PRH1: variants seen among roughly 807,000 people sequenced by gnomAD.
PRH1 encodes the protein salivary acidic proline-rich phosphoprotein 1/2.
A neutral mutation model predicts 7.9 loss-of-function variants in PRH1; 7 were observed. The observed-to-expected ratio is 0.89, with a 90% confidence interval of 0.50 to 1.67. The LOEUF is 1.67. Among genes scored for constraint, PRH1 ranks in the 40% most tolerant of loss-of-function variants. The probability of loss-of-function intolerance (pLI) is 0.00; values close to 1 mark genes in which losing one functional copy is unlikely to be tolerated. For missense variants in PRH1, 109 were observed against 223.6 expected (o/e 0.49, Z 3.27); for synonymous variants, 45 against 80.8 (o/e 0.56, Z 2.38).
chr12:11,044,461 T>C (rs920097240), intron 1 of PRH1, among the ~76,000 whole-genome samples: 9 of 151,894 alleles, frequency 5.9e-5, no homozygotes, highest in Admixed American at 2.0e-4. Context: ...AGTTAAAAAA[T>C]ACTTCTGCAC....
At chr12:11,165,346 A>C (rs1308844522) in intron 1 of PRH1, among the ~76,000 whole-genome samples, 1 of 152,048 alleles carries the variant, frequency 6.6e-6, no homozygotes, top group African/African-American at 2.4e-5. Context: ...TGTTTGAATA[A>C]TATATAGTAA....
chr12:11,031,115 G>A, intron 1 of PRH1: 2 of 1,614,270 alleles, frequency 1.2e-6, no homozygotes, highest in Non-Finnish European at 1.7e-6. Flanking sequence ...ACTATAAAAA[G>A]CTGGATTAAA....
chr12:11,164,236 C>A (rs1947505940), intron 1 of PRH1, among the ~76,000 whole-genome samples: 1 of 152,142 alleles, frequency 6.6e-6, no homozygotes, highest in African/African-American at 2.4e-5. Context: ...TAGGCATCAA[C>A]CAATCTGATG....
intron 1 of PRH1, among the ~76,000 whole-genome samples, chr12:11,052,935 T>C (rs1431594952): frequency 2.0e-5 from 3 of 152,264 alleles, no homozygotes; most frequent in African/African-American, 7.2e-5. Flanking sequence ...TTTTTTGTTT[T>C]TTGTTTTAGT....
chr12:10,882,921 G>C (rs1949430172), intron 2 of PRH1, 140 bp downstream of exon 2: 1 of 1,435,226 alleles, frequency 7.0e-7, no homozygotes, highest in African/African-American at 1.4e-5. Flanking sequence ...TCAAGGTTGG[G>C]AGAAAACTGT....
chr12:10,884,143 A>C lies in PRH1; in HGVS notation c.64+11T>G, dbSNP rs369059664. On this transcript the variant is annotated intron_variant, in intron 1 of 3. Transcript: ENST00000543626. ...ATCAGAGTCACAATATCTTCCCCCA[A>C]TTCATCTTACCTTCATTTAAATCCT... is the stretch of plus-strand genomic sequence containing the variant. 4.3e-6 allele frequency: 7 copies of C among 1,613,922 alleles called. No homozygotes were observed. The African/African-American group carries it at 9.4e-5, about 22-fold the overall frequency.
intron 1 of PRH1, among the ~76,000 whole-genome samples, chr12:11,156,047 C>A (rs910839324): frequency 1.3e-5 from 2 of 152,170 alleles, no homozygotes; most frequent in Non-Finnish European, 2.9e-5. Flanking sequence ...TAGTTACGCA[C>A]ATTTGCCATT....
chr12:10,964,090 A>C (rs1938385163), intron 2 of PRH1, among the ~76,000 whole-genome samples: 1 of 152,214 alleles, frequency 6.6e-6, no homozygotes, highest in African/African-American at 2.4e-5. Context: ...AGAGATCATA[A>C]ATTTTTCAAA....
intron 1 of PRH1, among the ~76,000 whole-genome samples, chr12:11,020,362 C>CAA (rs150562236): frequency 0.24 from 30,156 of 125,680 alleles, 5,511 homozygotes; most frequent in African/African-American, 0.44. Flanking sequence ...GTATGATAAG[C>CAA]GATATATATA....
At chr12:10,909,382 G>T in intron 2 of PRH1, 3 of 925,894 alleles carry the variant, frequency 3.2e-6, no homozygotes, top group Non-Finnish European at 4.9e-6. Context: ...TGAGTGTCCA[G>T]TGGAGTTCTT....
At chr12:10,972,747 A>G (rs1421835695) in intron 2 of PRH1, among the ~76,000 whole-genome samples, 1 of 152,174 alleles carries the variant, frequency 6.6e-6, no homozygotes, top group South Asian at 2.1e-4. Flanking sequence ...TCATGGCCAA[A>G]GTGAATTTGT....
upstream of PRH1, among the ~76,000 whole-genome samples, chr12:11,051,297 T>A (rs147773423): frequency 3.3e-5 from 5 of 152,282 alleles, no homozygotes; most frequent in African/African-American, 1.2e-4. Context: ...TTTTCAGTAG[T>A]CACAACTAAA....
chr12:11,007,231 G>A (rs1332816824), intron 1 of PRH1, among the ~76,000 whole-genome samples: 1 of 151,960 alleles, frequency 6.6e-6, no homozygotes, highest in East Asian at 1.9e-4. Context: ...AGGCCAATAC[G>A]CCTTAAAATC....
intron 2 of PRH1, among the ~76,000 whole-genome samples, chr12:10,929,606 A>C (rs1459368091): frequency 6.6e-6 from 1 of 152,188 alleles, no homozygotes; most frequent in Non-Finnish European, 1.5e-5. Flanking sequence ...ACTGCTGGGA[A>C]GGATATGGAG....
At chr12:11,078,258 A>G in intron 1 of PRH1, 1 of 271,220 alleles carries the variant, frequency 3.7e-6, no homozygotes, top group South Asian at 4.9e-5. Flanking sequence ...AACAGACAAA[A>G]AGAAAAAAAT....
intron 1 of PRH1, among the ~76,000 whole-genome samples, chr12:11,018,740 G>C (rs369613291): frequency 4.0e-3 from 415 of 103,510 alleles, no homozygotes; most frequent in East Asian, 9.1e-3. Context: ...AAGTGGCCAC[G>C]TGGGCATCCT....
chr12:10,906,848 A>G (rs569657818), intron 2 of PRH1, among the ~76,000 whole-genome samples: 36 of 152,312 alleles, frequency 2.4e-4, no homozygotes, highest in African/African-American at 8.7e-4. Context: ...AAAATGGACT[A>G]ATACAGAGAC....
intron 1 of PRH1, among the ~76,000 whole-genome samples, chr12:11,072,829 G>A (rs76654905): frequency 0.41 from 41,772 of 102,700 alleles, 6,773 homozygotes; most frequent in Non-Finnish European, 0.51. Flanking sequence ...AAAACAGTTG[G>A]CCTTTGTTTG....
At chr12:10,997,720 T>C (rs11054143) in intron 1 of PRH1, 574,265 of 1,613,150 alleles carry the variant, frequency 0.36, 113,723 homozygotes, top group East Asian at 0.75. Flanking sequence ...CTCTGGAGAC[T>C]GCCAGAGCAG....
Sources: allele counts gnomAD v4.1 joint callset (sites outside exome capture counted in the v4.1 genomes callset), GRCh38; gene constraint gnomAD v4.1.1; transcripts MANE v1.5; gene names NCBI Gene and HGNC (gene_info 2026-07-23, HGNC 2026-07-21).